Variants in CADM2 observed in about 807,000 individuals in gnomAD.
CADM2 encodes immunoglobulin superfamily member 4D.
CADM2 carries 12 observed loss-of-function variants against 49.8 expected under a neutral mutation model. The ratio of observed to expected loss-of-function variants is 0.24; its 90% confidence interval spans 0.15 to 0.39. The LOEUF (loss-of-function observed/expected upper bound fraction) is 0.39, where lower values mean the gene tolerates loss of function less well. Ranked by LOEUF, CADM2 falls within the 10% of genes least tolerant of loss-of-function variation. The pLI is 1.00. For missense variants in CADM2, 378 were observed against 492.3 expected, an observed-to-expected ratio of 0.77 and a Z score of 2.20; for synonymous variants, 214 against 175.4, an observed-to-expected ratio of 1.22 and a Z score of -1.74.
intron 1 of CADM2, among the ~76,000 whole-genome samples, chr3:85,273,463 G>A (rs781154126): frequency 6.6e-6 from 1 of 151,346 alleles, no homozygotes; most frequent in Non-Finnish European, 1.5e-5. Flanking sequence ...GCTTGCATCA[G>A]CATAATTGCA....
At chr3:85,985,962 C>G (rs554436403) in intron 8 of CADM2, among the ~76,000 whole-genome samples, 27 of 152,100 alleles carry the variant, frequency 1.8e-4, no homozygotes, top group African/African-American at 6.3e-4. Context: ...CATTTATATT[C>G]AGATTCTCTT....
At chr3:85,400,248 C>T (rs2107436155) in intron 1 of CADM2, among the ~76,000 whole-genome samples, 1 of 152,230 alleles carries the variant, frequency 6.6e-6, no homozygotes, top group Non-Finnish European at 1.5e-5. Context: ...TGCTGGATTA[C>T]ATTTATTGAT....
intron 1 of CADM2, among the ~76,000 whole-genome samples, chr3:84,981,252 T>A (rs964967303): frequency 6.6e-6 from 1 of 151,632 alleles, no homozygotes; most frequent in Admixed American, 6.6e-5. Flanking sequence ...CTTGCGATAG[T>A]TTACTGAGAA....
chr3:85,958,554 A>G (rs1158060923), intron 7 of CADM2, among the ~76,000 whole-genome samples: 1 of 152,006 alleles, frequency 6.6e-6, no homozygotes, highest in African/African-American at 2.4e-5. Flanking sequence ...TTGGGTATAT[A>G]CCCAAAGGAA....
chr3:85,472,994 T>C (rs148829635), intron 1 of CADM2, among the ~76,000 whole-genome samples: 3 of 152,224 alleles, frequency 2.0e-5, no homozygotes, highest in Non-Finnish European at 4.4e-5. Flanking sequence ...ATAACAATTA[T>C]GTCAATTTTC....
At chr3:85,251,722 A>C (rs938716427) in intron 1 of CADM2, among the ~76,000 whole-genome samples, 1 of 151,984 alleles carries the variant, frequency 6.6e-6, no homozygotes, top group East Asian at 1.9e-4. Context: ...AGATCATCCT[A>C]TCACTGGCAT....
chr3:85,699,292 G>A (rs143629218), intron 1 of CADM2, among the ~76,000 whole-genome samples: 1 of 152,192 alleles, frequency 6.6e-6, no homozygotes, highest in African/African-American at 2.4e-5. Context: ...ACCACTCTAG[G>A]ACCTGGAGGA....
intron 6 of CADM2, among the ~76,000 whole-genome samples, chr3:85,920,497 G>C (rs1478441979): frequency 6.6e-6 from 1 of 151,752 alleles, no homozygotes; most frequent in Admixed American, 6.6e-5. Flanking sequence ...TGTTTAGTAA[G>C]AGATGCATTT....
At chr3:86,060,784 C>T (rs1227199846) in intron 8 of CADM2, among the ~76,000 whole-genome samples, 1 of 151,960 alleles carries the variant, frequency 6.6e-6, no homozygotes, top group Non-Finnish European at 1.5e-5. Flanking sequence ...GAGTTCAAGG[C>T]CAGCCTCACC....
chr3:85,546,383 A>C (rs1046524570), intron 1 of CADM2, among the ~76,000 whole-genome samples: 2 of 152,192 alleles, frequency 1.3e-5, no homozygotes, highest in Non-Finnish European at 2.9e-5. Flanking sequence ...CAATTAAAAC[A>C]GCTAATCGTG....
intron 1 of CADM2, among the ~76,000 whole-genome samples, chr3:85,709,761 A>G (rs1577135219): frequency 6.6e-6 from 1 of 152,248 alleles, no homozygotes; most frequent in East Asian, 1.9e-4. Flanking sequence ...AGTTCTACAA[A>G]CTGAAACCTT....
intron 1 of CADM2, among the ~76,000 whole-genome samples, chr3:85,587,422 A>G (rs922918707): frequency 1.3e-5 from 2 of 152,128 alleles, no homozygotes; most frequent in African/African-American, 4.8e-5. Context: ...TCCTTATTCA[A>G]AATGAAATGT....
At chr3:86,029,921 T>C (rs547476285) in intron 8 of CADM2, among the ~76,000 whole-genome samples, 1 of 151,914 alleles carries the variant, frequency 6.6e-6, no homozygotes, top group Non-Finnish European at 1.5e-5. Context: ...AGAGAAGCAG[T>C]TTGGTGTGGA....
intron 1 of CADM2, among the ~76,000 whole-genome samples, chr3:85,673,349 G>A: frequency 6.6e-6 from 1 of 151,982 alleles, no homozygotes; most frequent in South Asian, 2.1e-4. Context: ...CCTACCTAAA[G>A]GTCTGATTAA....
intron 1 of CADM2, among the ~76,000 whole-genome samples, chr3:85,295,918 A>G (rs2043950892): frequency 6.6e-6 from 1 of 152,030 alleles, no homozygotes; most frequent in Non-Finnish European, 1.5e-5. Context: ...CCTAAAACTT[A>G]AAGTATAATA....
intron 1 of CADM2, among the ~76,000 whole-genome samples, chr3:85,563,899 A>T (rs919584457): frequency 2.0e-5 from 3 of 152,144 alleles, no homozygotes; most frequent in African/African-American, 4.8e-5. Flanking sequence ...ATAATCCTAG[A>T]TCTTAAATAG....
intron 1 of CADM2, among the ~76,000 whole-genome samples, chr3:85,335,717 A>G (rs1175116346): frequency 1.3e-5 from 2 of 151,454 alleles, no homozygotes; most frequent in Non-Finnish European, 3.0e-5. Flanking sequence ...CTTCTGTGAG[A>G]TGATTGTCTA....
At chr3:85,820,722 C>A (rs1190570582) in intron 3 of CADM2, among the ~76,000 whole-genome samples, 1 of 152,002 alleles carries the variant, frequency 6.6e-6, no homozygotes, top group Non-Finnish European at 1.5e-5. Flanking sequence ...GTATATGAGT[C>A]TGGAGTCCAC....
intron 7 of CADM2, among the ~76,000 whole-genome samples, chr3:85,959,765 A>G (rs932801660): frequency 7.9e-5 from 12 of 151,978 alleles, no homozygotes; most frequent in Non-Finnish European, 1.6e-4. Context: ...TCAGAGCAGT[A>G]ACATGATGTA....
Sources: allele counts gnomAD v4.1 joint callset (sites outside exome capture counted in the v4.1 genomes callset), GRCh38; gene constraint gnomAD v4.1.1; transcripts MANE v1.5; gene names NCBI Gene and HGNC (gene_info 2026-07-23, HGNC 2026-07-21).